Variants in MAST2 observed in about 807,000 individuals in gnomAD.
MAST2 encodes the protein microtubule associated serine/threonine kinase 2, also known as microtubule-associated serine/threonine-protein kinase 2.
In MAST2, 70 loss-of-function variants were observed where a neutral mutation model predicts 147.4. The ratio of observed to expected loss-of-function variants is 0.47; its 90% confidence interval spans 0.39 to 0.58. MAST2 has a LOEUF of 0.58. Among genes scored for constraint, MAST2 ranks in the 20% least tolerant of loss-of-function variants. The pLI, the probability that MAST2 is intolerant of heterozygous loss-of-function variation, is 0.00. For synonymous variants in MAST2, 869 were observed against 896.8 expected (o/e 0.97, Z 0.55); for missense variants, 2,080 against 2,302.3 (o/e 0.90, Z 1.98).
intron 4 of MAST2, among the ~76,000 whole-genome samples, chr1:45,918,853 C>T (rs1303026431): frequency 6.6e-6 from 1 of 152,178 alleles, no homozygotes; most frequent in Non-Finnish European, 1.5e-5. Flanking sequence ...TGGCTTACAC[C>T]TGTAATCCCA....
At chr1:45,917,549 G>T in intron 4 of MAST2, 9 of 1,365,892 alleles carry the variant, frequency 6.6e-6, no homozygotes, top group Non-Finnish European at 8.8e-6. Flanking sequence ...GAAACTTGCT[G>T]TGAATCTGGG....
intron 9 of MAST2, 59 bp downstream of exon 9, chr1:46,008,430 GC>G: frequency 9.3e-7 from 1 of 1,078,958 alleles, no homozygotes; most frequent in Non-Finnish European, 1.4e-6. Flanking sequence ...CCTACAGCCA[GC>G]CCCAATGGGA....
At chr1:45,899,271 A>C (rs1005641809) in intron 4 of MAST2, among the ~76,000 whole-genome samples, 20 of 150,796 alleles carry the variant, frequency 1.3e-4, no homozygotes, top group African/African-American at 4.1e-4. Flanking sequence ...AAGCAATAGA[A>C]ATTAGAATTG....
At position 46,034,839 on chromosome 1, in the gene MAST2, G is replaced by A. The variant is rs1197452421; in HGVS notation, c.4170G>A (p.Arg1390=). 1 of 1,614,192 alleles carries A rather than the reference G, an allele frequency of 6.2e-7. No individual in the cohort carries two copies. The highest frequency in any genetic ancestry group is 2.2e-5 in the East Asian group (1 of 44,878). ...LSPPLGRQLS[R]PKSAEPPRSP... Reference sequence around the variant, plus strand: ...CTCCCCTGGGCAGGCAACTCTCACGGCCCAAGAGTGCGGAGCCACCCCGTT... The same window carrying A: ...CTCCCCTGGGCAGGCAACTCTCACGACCCAAGAGTGCGGAGCCACCCCGTT... The change falls in exon 29 of 29, where the codon CGG becomes CGA. Residue 1390 remains arginine (R), a synonymous_variant. Coordinates refer to ENST00000361297, the MANE Select transcript of MAST2 (RefSeq NM_015112.3).
At chr1:45,984,848 G>A (rs1644550282) in intron 5 of MAST2, among the ~76,000 whole-genome samples, 1 of 151,710 alleles carries the variant, frequency 6.6e-6, no homozygotes, top group African/African-American at 2.4e-5. Context: ...GCAAGACCCT[G>A]TCTCAGAAAA....
intron 4 of MAST2, among the ~76,000 whole-genome samples, chr1:45,922,085 T>C (rs901779038): frequency 6.6e-6 from 1 of 152,184 alleles, no homozygotes; most frequent in Non-Finnish European, 1.5e-5. Flanking sequence ...GGGTGGCTCC[T>C]TTCTGCAGGC....
At chr1:45,835,751 A>C (rs138330597) in intron 3 of MAST2, among the ~76,000 whole-genome samples, 109 of 152,262 alleles carry the variant, frequency 7.2e-4, no homozygotes, top group Middle Eastern at 3.4e-3. Context: ...CCCATTAAAC[A>C]GTCATTATTC....
At chr1:45,973,648 G>A (rs1557988068) in intron 5 of MAST2, among the ~76,000 whole-genome samples, 1 of 152,274 alleles carries the variant, frequency 6.6e-6, no homozygotes, top group East Asian at 1.9e-4. Context: ...AAAGGTACAA[G>A]GACTGAACCC....
Position 46,032,379 on chromosome 1 carries a change from T to C in MAST2, c.3389T>C (p.Val1130Ala). ...AIRVYMGDSD[V>A]YTVHHMVWHV... ...CGCGTCTACATGGGTGACTCCGATG[T>C]CTACACCGTGCACCATATGGTGTGG... The change falls in exon 25 of 29, where the codon GTC becomes GCC. Residue 1130 changes from valine (V) to alanine (A), a missense_variant. By Grantham distance (64) the Val-to-Ala change is moderately conservative. Transcript: ENST00000361297. The C allele has an allele frequency of 3.1e-6, 5 of 1,614,238 alleles. No homozygotes were observed. The highest frequency in any genetic ancestry group is 4.2e-6 in the Non-Finnish European group (5 of 1,180,036).
At chr1:45,838,215 C>CTTTTTTTTTTTTT (rs61696475) in intron 3 of MAST2, among the ~76,000 whole-genome samples, 2 of 97,988 alleles carry the variant, frequency 2.0e-5, no homozygotes, top group African/African-American at 4.2e-5. Flanking sequence ...TATATATATT[C>CTTTTTTTTTTTTT]TTTTTTTTTT....
chr1:45,922,914 T>A (rs1285134428), intron 4 of MAST2, among the ~76,000 whole-genome samples: 1 of 152,230 alleles, frequency 6.6e-6, no homozygotes, highest in Non-Finnish European at 1.5e-5. Context: ...CTGGTGCTCC[T>A]GGTGGTGACC....
At chr1:45,816,078 A>G (rs970714018) in intron 1 of MAST2, among the ~76,000 whole-genome samples, 11 of 152,262 alleles carry the variant, frequency 7.2e-5, no homozygotes, top group African/African-American at 2.6e-4. Flanking sequence ...AGTTATAACA[A>G]TTTTGAATGC....
In MAST2 at chr1:45,970,667, C is replaced by CAAAA. The variant is rs754544108; in HGVS notation, c.592+11209_592+11212dup. 7.5e-3 allele frequency among the ~76,000 whole-genome samples: 541 copies of CAAAA among 72,360 alleles called. 32 individuals carry two copies. Among genetic ancestry groups the CAAAA allele is most frequent in the African/African-American group, 0.02 (334 of 17,048 alleles). The allele number at this position is 72,360 out of a possible 152,430, so 47.5% of individuals were successfully genotyped here. ...TGGGCAACAGAGGAAGACTCTGTCT[C>CAAAA]AAAAAAAAAAAAAAAAAAAAAAGAA... On this transcript the variant is annotated intron_variant, in intron 5 of 28. Coordinates refer to ENST00000361297, the MANE Select transcript of MAST2 (RefSeq NM_015112.3).
At chr1:45,889,667 G>A (rs541645514) in intron 4 of MAST2, among the ~76,000 whole-genome samples, 7 of 151,930 alleles carry the variant, frequency 4.6e-5, no homozygotes, top group Admixed American at 1.3e-4. Flanking sequence ...GTACAGTGAC[G>A]CAATCTTGGC....
In MAST2 at chr1:46,023,814, T is replaced by C; in HGVS notation, c.1614T>C (p.Phe538=). ...GGCACAAGTCCACCCGGCAGCGCTT[T>C]GCCATGAAGAAGATCAACAAGCAGA... ...LVRHKSTRQR[F]AMKKINKQNL... is the part of the protein sequence containing the mutation. The change falls in exon 15 of 29, where the codon TTT becomes TTC. Residue 538 remains phenylalanine, a synonymous_variant. Transcript: ENST00000361297. The surrounding 1 kb of genome is among the most constrained non-coding windows in gnomAD (Gnocchi z 4.9). The C allele has an allele frequency of 6.2e-7, 1 of 1,614,108 alleles. No homozygotes were observed. The highest frequency in any genetic ancestry group is 8.5e-7 in the Non-Finnish European group (1 of 1,180,034).
chr1:45,823,320 A>G (rs1222762258), intron 1 of MAST2, among the ~76,000 whole-genome samples: 1 of 146,100 alleles, frequency 6.8e-6, no homozygotes, highest in Admixed American at 7.1e-5. Context: ...GGCAGGTGAC[A>G]TGGGGTCAGT....
intron 3 of MAST2, among the ~76,000 whole-genome samples, chr1:45,880,990 A>AAAG: frequency 6.6e-6 from 1 of 151,618 alleles, no homozygotes; most frequent in African/African-American, 2.4e-5. Flanking sequence ...AAAGAAAAGA[A>AAAG]AAAAGCAAAT....
intron 5 of MAST2, among the ~76,000 whole-genome samples, chr1:45,995,146 T>C (rs1217034781): frequency 6.6e-6 from 1 of 152,128 alleles, no homozygotes; most frequent in Non-Finnish European, 1.5e-5. Context: ...GGCCCATATC[T>C]TCCATAATTT....
intron 3 of MAST2, among the ~76,000 whole-genome samples, chr1:45,852,501 A>C (rs2147999483): frequency 6.7e-6 from 1 of 149,412 alleles, no homozygotes; most frequent in Admixed American, 6.7e-5. Flanking sequence ...AGCTGGGATC[A>C]CAGGCACAAG....
Sources: gnomAD v4.1 joint callset for allele counts (sites outside exome capture counted in the v4.1 genomes callset) on GRCh38, gnomAD v4.1.1 for gene constraint, Gnocchi (gnomAD v3.1) non-coding constraint, MANE v1.5 for transcripts, NCBI Gene and HGNC (gene_info 2026-07-23, HGNC 2026-07-21) for gene names.